Variants in MYO18B observed in about 807,000 individuals in gnomAD.
MYO18B encodes the protein unconventional myosin-XVIIIb.
MYO18B carries 204 observed loss-of-function variants against 273.0 expected under a neutral mutation model. That is an observed-to-expected ratio of 0.75 (90% confidence interval 0.67 to 0.84). The LOEUF (loss-of-function observed/expected upper bound fraction) is 0.84, where lower values mean the gene tolerates loss of function less well. Ranked by LOEUF, MYO18B falls within the 40% of genes least tolerant of loss-of-function variation. The pLI is 0.00. For synonymous variants in MYO18B, 1,330 were observed against 1,305.7 expected (o/e 1.02, Z -0.40); for missense variants, 3,212 against 3,287.6 (o/e 0.98, Z 0.56).
chr22:25,984,737 C>T (rs2093182890), intron 39 of MYO18B, among the ~76,000 whole-genome samples: 1 of 151,510 alleles, frequency 6.6e-6, no homozygotes, highest in Non-Finnish European at 1.5e-5. Context: ...TTCAAGGTTA[C>T]AGTGAGCTGT....
the MYO18B span, among the ~76,000 whole-genome samples, chr22:26,041,571 G>T: frequency 1.3e-5 from 2 of 151,962 alleles, no homozygotes; most frequent in Admixed American, 6.6e-5. Context: ...TGGACACCCT[G>T]CCTAGAGCCA....
chr22:25,984,271 C>G (rs2093178203), intron 39 of MYO18B, among the ~76,000 whole-genome samples: 1 of 152,112 alleles, frequency 6.6e-6, no homozygotes, highest in Non-Finnish European at 1.5e-5. Context: ...TCATCTTGTT[C>G]CAAAGCCAGT....
At chr22:26,022,855 G>A (rs1252400309) in intron 42 of MYO18B, among the ~76,000 whole-genome samples, 1 of 152,212 alleles carries the variant, frequency 6.6e-6, no homozygotes, top group Admixed American at 6.5e-5. Flanking sequence ...CAGGGAAGGC[G>A]AGTGGATCTT....
At chr22:25,923,263 C>T (rs930397545) in intron 34 of MYO18B, among the ~76,000 whole-genome samples, 6 of 152,234 alleles carry the variant, frequency 3.9e-5, no homozygotes, top group African/African-American at 1.4e-4. Context: ...TTTATCAAAT[C>T]ATTCTCTTCT....
At chr22:25,973,151 G>T (rs1043314240) in intron 39 of MYO18B, among the ~76,000 whole-genome samples, 3 of 152,004 alleles carry the variant, frequency 2.0e-5, no homozygotes, top group African/African-American at 7.2e-5. Flanking sequence ...TTCCAGTGTG[G>T]GGTCCAGAAG....
At chr22:26,047,317 G>T in the MYO18B span, among the ~76,000 whole-genome samples, 2 of 151,976 alleles carry the variant, frequency 1.3e-5, no homozygotes, top group Non-Finnish European at 2.9e-5. Flanking sequence ...TAGTAGAGAC[G>T]GGGTTTCACC....
At chr22:25,754,693 G>A (rs2086054064) in intron 1 of MYO18B, among the ~76,000 whole-genome samples, 3 of 152,176 alleles carry the variant, frequency 2.0e-5, no homozygotes, top group Admixed American at 1.3e-4. Context: ...CCGGAGTATG[G>A]CGATAAGAAC....
chr22:25,752,452 G>T (rs1305586883), intron 1 of MYO18B, among the ~76,000 whole-genome samples: 12 of 151,848 alleles, frequency 7.9e-5, no homozygotes, highest in Admixed American at 6.6e-4. Flanking sequence ...CTCACAAAGT[G>T]CTGGGATTAC....
intron 4 of MYO18B, 32 bp from the exon 5 acceptor site, chr22:25,770,078 G>T: frequency 4.3e-6 from 7 of 1,611,722 alleles, no homozygotes; most frequent in Non-Finnish European, 5.9e-6. Context: ...GGTGCCATTT[G>T]CTGGTTTAAT....
chr22:25,892,694 A>T (rs1285772862), intron 27 of MYO18B: 7 of 152,200 alleles, frequency 4.6e-5, no homozygotes, highest in Admixed American at 4.6e-4. Flanking sequence ...TGTTCTTGTT[A>T]TCCTGGCTAC....
At chr22:25,935,980 C>T (rs1416049272) in intron 34 of MYO18B, among the ~76,000 whole-genome samples, 1 of 152,214 alleles carries the variant, frequency 6.6e-6, no homozygotes, top group Non-Finnish European at 1.5e-5. Context: ...ACGTGTCTGC[C>T]TCAGTCTCTC....
At chr22:26,049,236 A>G in the MYO18B span, among the ~76,000 whole-genome samples, 4 of 152,256 alleles carry the variant, frequency 2.6e-5, no homozygotes, top group African/African-American at 4.8e-5. Flanking sequence ...TGCAATGGCA[A>G]TGGAAAACAG....
At chr22:25,742,739 G>A (rs542921478) in intron 1 of MYO18B, among the ~76,000 whole-genome samples, 10 of 152,302 alleles carry the variant, frequency 6.6e-5, no homozygotes, top group Non-Finnish European at 1.0e-4. Context: ...TGTTAACAAC[G>A]CTGTTGAGTC....
At chr22:25,963,435 T>G (rs931281528) in intron 39 of MYO18B, among the ~76,000 whole-genome samples, 5 of 151,194 alleles carry the variant, frequency 3.3e-5, no homozygotes, top group African/African-American at 1.2e-4. Context: ...GCCTGTGGGC[T>G]GCATCATGCT....
intron 15 of MYO18B, among the ~76,000 whole-genome samples, chr22:25,831,649 C>CTTGG (rs2089711766): frequency 6.6e-6 from 1 of 152,200 alleles, no homozygotes; most frequent in African/African-American, 2.4e-5. Context: ...TCCCAAAGTG[C>CTTGG]TTGGATTACA....
intron 12 of MYO18B, among the ~76,000 whole-genome samples, chr22:25,812,065 C>G (rs2088785834): frequency 6.6e-6 from 1 of 151,918 alleles, no homozygotes; most frequent in Admixed American, 6.5e-5. Context: ...CAGGGTCACA[C>G]AGTCCCAAGT....
At chr22:25,891,755 G>C (rs1601489827) in intron 27 of MYO18B, among the ~76,000 whole-genome samples, 1 of 152,298 alleles carries the variant, frequency 6.6e-6, no homozygotes, top group South Asian at 2.1e-4. Flanking sequence ...GGCCTGGCGT[G>C]GTGGCTCACA....
At chr22:25,891,269 C>G in intron 26 of MYO18B, 35 bp from the exon 27 acceptor site, 1 of 1,427,552 alleles carries the variant, frequency 7.0e-7, no homozygotes, top group Non-Finnish European at 9.7e-7. Context: ...GTCTTCTGTC[C>G]AGCTCTAGTT....
At chr22:25,855,279 C>T (rs2090533475) in intron 21 of MYO18B, among the ~76,000 whole-genome samples, 2 of 114,068 alleles carry the variant, frequency 1.8e-5, no homozygotes, top group South Asian at 6.6e-4. Flanking sequence ...AGGACGTTAT[C>T]TCATTCTTTT....
Sources: gnomAD v4.1 joint callset for allele counts (sites outside exome capture counted in the v4.1 genomes callset) on GRCh38, gnomAD v4.1.1 for gene constraint, MANE v1.5 for transcripts, NCBI Gene and HGNC (gene_info 2026-07-23, HGNC 2026-07-21) for gene names.